KLRD1: variants seen among roughly 807,000 people sequenced by gnomAD.
The protein encoded by KLRD1 is natural killer cells antigen CD94.
In KLRD1, 21 loss-of-function variants were observed where a neutral mutation model predicts 22.6. The observed-to-expected ratio is 0.93, with a 90% confidence interval of 0.66 to 1.34. The LOEUF is 1.34. Ranked by LOEUF, KLRD1 falls within the 40% of genes most tolerant of loss-of-function variation. KLRD1 has a pLI of 0.00. For synonymous variants in KLRD1, 59 were observed against 71.1 expected, an observed-to-expected ratio of 0.83 and a Z score of 0.85; for missense variants, 183 against 208.6, an observed-to-expected ratio of 0.88 and a Z score of 0.76.
chr12:10,322,988 C>A lies in KLRD1; in HGVS notation c.*8195C>A, dbSNP rs997732910. ...CGTCTGTGAGATACATCCATATATTCGTGCAGCAGTAGCTCCTCACTTTTA... is the reference window on the plus strand; with the variant it reads ...CGTCTGTGAGATACATCCATATATTAGTGCAGCAGTAGCTCCTCACTTTTA... On this transcript the variant is annotated 3_prime_UTR_variant, in exon 6 of 6. Transcript: ENST00000336164. The A allele has an allele frequency of 6.6e-6, 1 of 152,188 alleles. No homozygotes were observed. The highest frequency in any genetic ancestry group is 6.5e-5 in the Admixed American group (1 of 15,272). The allele number at this position is 152,188 out of a possible 1,614,324, so 9.4% of individuals were successfully genotyped here. A position where few individuals can be genotyped will look rare whatever the true frequency, so the allele number is the denominator to read the frequency against.
intron 1 of KLRD1, among the ~76,000 whole-genome samples, chr12:10,273,971 A>T (rs1949570590): frequency 1.3e-5 from 2 of 152,142 alleles, no homozygotes; most frequent in South Asian, 4.1e-4. Flanking sequence ...AAAAATTATC[A>T]CAATGGGTTC....
At chr12:10,280,242 T>C (rs193241587) in intron 1 of KLRD1, among the ~76,000 whole-genome samples, 1 of 152,296 alleles carries the variant, frequency 6.6e-6, no homozygotes, top group East Asian at 1.9e-4. Context: ...TGCCTGATGT[T>C]TAAATGAAAA....
chr12:10,298,269 G>A (rs564765719), intron 1 of KLRD1, among the ~76,000 whole-genome samples: 2 of 152,300 alleles, frequency 1.3e-5, no homozygotes, highest in Admixed American at 6.5e-5. Flanking sequence ...ATGAACTTAA[G>A]TTTGTGGTGA....
chr12:10,260,062 G>T (rs1949437390), intron 1 of KLRD1, among the ~76,000 whole-genome samples: 1 of 151,914 alleles, frequency 6.6e-6, no homozygotes, highest in Admixed American at 6.6e-5. Flanking sequence ...TACTTAAATG[G>T]TCTTTCTTTT....
intron 1 of KLRD1, among the ~76,000 whole-genome samples, chr12:10,296,465 G>A (rs914394956): frequency 5.9e-5 from 9 of 152,094 alleles, no homozygotes; most frequent in East Asian, 1.9e-4. Context: ...GCAGTGAGCC[G>A]AAATTGCACC....
At chr12:10,254,359 C>T (rs1409664559) in intron 1 of KLRD1, among the ~76,000 whole-genome samples, 2 of 133,664 alleles carry the variant, frequency 1.5e-5, no homozygotes, top group East Asian at 2.5e-4. Flanking sequence ...ACCCGGGAGG[C>T]GGAGCTTGCT....
upstream of KLRD1, among the ~76,000 whole-genome samples, chr12:10,300,072 C>T (rs1949854417): frequency 1.3e-5 from 2 of 152,188 alleles, no homozygotes; most frequent in Non-Finnish European, 2.9e-5. Flanking sequence ...CCCTCAAAGG[C>T]ATCCATGAGA....
chr12:10,312,903 C>T (rs1028327224), intron 4 of KLRD1, among the ~76,000 whole-genome samples: 5 of 151,526 alleles, frequency 3.3e-5, no homozygotes, highest in African/African-American at 4.8e-5. Context: ...AGGAGAATGG[C>T]GTGAACCTGG....
At chr12:10,284,867 G>C (rs1263619790) in intron 1 of KLRD1, among the ~76,000 whole-genome samples, 1 of 152,100 alleles carries the variant, frequency 6.6e-6, no homozygotes, top group Non-Finnish European at 1.5e-5. Context: ...TGTAATCCCA[G>C]CTACTCAGGA....
intron 1 of KLRD1, among the ~76,000 whole-genome samples, chr12:10,262,842 TATC>T (rs1340409343): frequency 3.3e-5 from 5 of 152,088 alleles, no homozygotes; most frequent in Non-Finnish European, 7.4e-5. Context: ...AATTGTAAAT[TATC>T]ATTTGCAATT....
intron 1 of KLRD1, among the ~76,000 whole-genome samples, chr12:10,270,965 G>A (rs1350515180): frequency 2.0e-5 from 3 of 152,024 alleles, no homozygotes; most frequent in Admixed American, 6.6e-5. Flanking sequence ...TGTATTTTTA[G>A]TAGAGACGAG....
intron 1 of KLRD1, among the ~76,000 whole-genome samples, chr12:10,259,210 T>C (rs1239437845): frequency 6.6e-6 from 1 of 152,232 alleles, no homozygotes; most frequent in African/African-American, 2.4e-5. Flanking sequence ...CTAAGAATTA[T>C]TCTAATATGC....
At chr12:10,295,546 T>C (rs1949814087) in intron 1 of KLRD1, among the ~76,000 whole-genome samples, 1 of 152,090 alleles carries the variant, frequency 6.6e-6, no homozygotes, top group Non-Finnish European at 1.5e-5. Context: ...TGCTAAATAA[T>C]TTGAATTTAA....
Position 10,248,535 on chromosome 12 carries a change from T to TTCCC in KLRD1, c.-101+22305_-101+22306insCTCC, listed in dbSNP as rs1434119584. Among the ~76,000 whole-genome samples, 4 of 65,300 alleles carry TTCCC rather than the reference T, an allele frequency of 6.1e-5. No individual in the cohort carries two copies. In the East Asian group the frequency reaches 9.4e-4, roughly 15 times the overall value. 42.8% of individuals were successfully genotyped at this position (65,300 alleles called of 152,430 possible). A position where few individuals can be genotyped will look rare whatever the true frequency, so the allele number is the denominator to read the frequency against. ...TTTATTTAAATGTATTTTCTTTTCC[T>TTCCC]TCCTTCCTTCCTTCCTTCCTTCCTT... On this transcript the variant is annotated intron_variant, in intron 1 of 5. Transcript: ENST00000544747.
rs191898444 is a variant in KLRD1 at position 10,327,193 on chromosome 12, C to T, written c.*12400C>T. 9 of 152,260 alleles carry T rather than the reference C, an allele frequency of 5.9e-5. No homozygotes were observed. In the South Asian group the frequency reaches 6.2e-4, roughly 11 times the overall value. The allele number at this position is 152,260 out of a possible 1,614,324, so 9.4% of individuals were successfully genotyped here. ...TTAAATAGTCCTGCCACCCAAAGAC[C>T]GTTTAACCATATTTGCAAAGTTTAT... On this transcript the variant is annotated 3_prime_UTR_variant, in exon 6 of 6. Coordinates refer to ENST00000336164, the MANE Select transcript of KLRD1 (RefSeq NM_002262.5).
rs571756938 is a variant in KLRD1, at chr12:10,242,408, C to A, written c.-101+16175C>A. ...TTGGACATAAACAGGAAAACATTTT[C>A]AATCCCTTCTCTCCTCAAAAATCCA... On this transcript the variant is annotated intron_variant, in intron 1 of 5. Coordinates refer to the KLRD1 transcript ENST00000544747. Among the ~76,000 whole-genome samples the A allele has an allele frequency of 4.9e-4, 75 of 152,266 alleles. 1 individual carries two copies. Among genetic ancestry groups the A allele is most frequent in the African/African-American group, 1.8e-3 (74 of 41,558 alleles).
At position 10,309,610 on chromosome 12, in the gene KLRD1, T is replaced by C. The variant is rs1479733034; in HGVS notation, c.101-16T>C. The C allele has an allele frequency of 6.3e-7, 1 of 1,594,258 alleles. No homozygotes were observed. The highest frequency in any genetic ancestry group is 8.6e-7 in the Non-Finnish European group (1 of 1,162,700). On this transcript the variant is annotated splice_polypyrimidine_tract_variant and intron_variant, in intron 2 of 5. Transcript: ENST00000336164. Reference sequence around the variant, plus strand: ...ACCCATACCTAATTAAACAAATTTCTAATCATTTCTTATAGCTTTTACTAA... The same window carrying C: ...ACCCATACCTAATTAAACAAATTTCCAATCATTTCTTATAGCTTTTACTAA...
At chr12:10,261,449 T>A (rs1949453380) in intron 1 of KLRD1, among the ~76,000 whole-genome samples, 1 of 152,188 alleles carries the variant, frequency 6.6e-6, no homozygotes, top group African/African-American at 2.4e-5. Context: ...ATTACTGCTG[T>A]TAATGTCTTT....
chr12:10,259,137 A>G (rs990187740), intron 1 of KLRD1, among the ~76,000 whole-genome samples: 4 of 152,236 alleles, frequency 2.6e-5, no homozygotes, highest in Admixed American at 6.5e-5. Context: ...GGCCTCCTGA[A>G]TATCCACTAA....
Sources: gnomAD v4.1 joint callset for allele counts (sites outside exome capture counted in the v4.1 genomes callset) on GRCh38, gnomAD v4.1.1 for gene constraint, MANE v1.5 for transcripts, NCBI Gene and HGNC (gene_info 2026-07-23, HGNC 2026-07-21) for gene names.